LRRC4C: variants seen among roughly 807,000 people sequenced by gnomAD.
LRRC4C encodes the protein leucine-rich repeat-containing protein 4C.
Under a neutral mutation model 33.6 loss-of-function variants are expected in LRRC4C, and 5 were observed. The ratio of observed to expected loss-of-function variants is 0.15; its 90% CI spans 0.08 to 0.31. LRRC4C has a LOEUF of 0.31. Ranked by LOEUF, LRRC4C falls within the 10% of genes least tolerant of loss-of-function variation. The pLI, the probability that LRRC4C is intolerant of heterozygous loss-of-function variation, is 1.00. For missense variants in LRRC4C, 560 were observed against 796.7 expected, an observed-to-expected ratio of 0.70 and a Z score of 3.58; for synonymous variants, 329 against 302.0, an observed-to-expected ratio of 1.09 and a Z score of -0.93.
intron 2 of LRRC4C, among the ~76,000 whole-genome samples, chr11:40,901,434 G>A (rs1400273101): frequency 6.6e-6 from 1 of 152,038 alleles, no homozygotes; most frequent in Non-Finnish European, 1.5e-5. Context: ...AAATTCAAAT[G>A]TGATATTTCT....
intron 2 of LRRC4C, among the ~76,000 whole-genome samples, chr11:40,796,830 A>G (rs1437814091): frequency 2.0e-5 from 3 of 151,842 alleles, no homozygotes; most frequent in Admixed American, 6.6e-5. Context: ...TATTTTTAGT[A>G]GAGATGGAGT....
intron 3 of LRRC4C, among the ~76,000 whole-genome samples, chr11:40,439,514 T>A (rs552013428): frequency 1.5e-4 from 22 of 149,830 alleles, no homozygotes; most frequent in Non-Finnish European, 3.0e-4. Flanking sequence ...AGTGCAGTGG[T>A]GCAATCTCGG....
intron 5 of LRRC4C, among the ~76,000 whole-genome samples, chr11:40,236,877 A>G (rs1041730295): frequency 2.0e-5 from 3 of 152,196 alleles, no homozygotes; most frequent in African/African-American, 7.2e-5. Flanking sequence ...CTGTCCTGAC[A>G]AATGTGTCTC....
intron 1 of LRRC4C, among the ~76,000 whole-genome samples, chr11:41,265,076 C>A (rs1949104461): frequency 6.6e-6 from 1 of 152,070 alleles, no homozygotes; most frequent in Admixed American, 6.6e-5. Context: ...TGTCCTATTG[C>A]AGAAGCTCCA....
intron 4 of LRRC4C, among the ~76,000 whole-genome samples, chr11:40,258,147 T>C (rs1181202256): frequency 1.3e-5 from 2 of 152,192 alleles, no homozygotes; most frequent in Non-Finnish European, 2.9e-5. Context: ...ATGAATATTT[T>C]ACCTACAGGT....
At chr11:40,704,585 C>T (rs555022696) in intron 2 of LRRC4C, among the ~76,000 whole-genome samples, 1 of 152,122 alleles carries the variant, frequency 6.6e-6, no homozygotes, top group African/African-American at 2.4e-5. Context: ...ACCCGGGAAA[C>T]TAACCCTGTT....
intron 1 of LRRC4C, among the ~76,000 whole-genome samples, chr11:40,965,263 T>C (rs143177267): frequency 0.034 from 5,146 of 152,266 alleles, 160 homozygotes; most frequent in South Asian, 0.14. Context: ...AGATTCTGGA[T>C]ATTAGCCCTT....
intron 3 of LRRC4C, among the ~76,000 whole-genome samples, chr11:40,376,460 G>A (rs1009987930): frequency 5.9e-5 from 9 of 152,118 alleles, no homozygotes; most frequent in Admixed American, 4.6e-4. Flanking sequence ...AGAGAGAAAT[G>A]TACTCCAGCT....
intron 2 of LRRC4C, among the ~76,000 whole-genome samples, chr11:40,904,321 TA>T (rs1565187112): frequency 6.7e-6 from 1 of 148,318 alleles, no homozygotes; most frequent in Non-Finnish European, 1.5e-5. Context: ...AATTAATGAC[TA>T]AACCCAATCT....
chr11:40,993,113 A>AT (rs1048514353), intron 1 of LRRC4C, among the ~76,000 whole-genome samples: 2 of 152,126 alleles, frequency 1.3e-5, no homozygotes, highest in African/African-American at 4.8e-5. Flanking sequence ...AATCCAAGTT[A>AT]TTTTTTGTAT....
chr11:40,911,119 G>T (rs994597664), intron 2 of LRRC4C, among the ~76,000 whole-genome samples: 1 of 152,166 alleles, frequency 6.6e-6, no homozygotes, highest in Non-Finnish European at 1.5e-5. Context: ...CACCTCTGGG[G>T]GCAGGGCATA....
intron 1 of LRRC4C, among the ~76,000 whole-genome samples, chr11:41,315,198 T>C (rs192432243): frequency 1.5e-4 from 23 of 152,354 alleles, no homozygotes; most frequent in Admixed American, 3.9e-4. Flanking sequence ...AGTTTTGTTG[T>C]CATCTGTGTT....
At chr11:41,211,176 A>C (rs923470511) in intron 1 of LRRC4C, among the ~76,000 whole-genome samples, 1 of 152,108 alleles carries the variant, frequency 6.6e-6, no homozygotes, top group Non-Finnish European at 1.5e-5. Flanking sequence ...AAAAGACTGG[A>C]GATGGTATTC....
At chr11:40,731,113 A>T (rs1008152007) in intron 2 of LRRC4C, among the ~76,000 whole-genome samples, 10 of 152,140 alleles carry the variant, frequency 6.6e-5, no homozygotes, top group Admixed American at 2.0e-4. Context: ...AGGTCAGGAG[A>T]TCAAGACCAT....
intron 1 of LRRC4C, among the ~76,000 whole-genome samples, chr11:41,209,128 C>A (rs1057479952): frequency 2.0e-5 from 3 of 151,176 alleles, no homozygotes; most frequent in Non-Finnish European, 4.4e-5. Flanking sequence ...TGATGATAAT[C>A]TGTACACTAA....
chr11:40,318,659 C>T (rs1945694492), intron 4 of LRRC4C, among the ~76,000 whole-genome samples: 1 of 152,128 alleles, frequency 6.6e-6, no homozygotes, highest in Admixed American at 6.5e-5. Context: ...TTCAAATCCC[C>T]ATTGAGACAA....
In LRRC4C at chr11:40,646,548, T is replaced by C. The variant is rs143946194; in HGVS notation, c.-270+1594A>G. The stretch of plus-strand genomic sequence containing the variant: ...CTGTGTATAAATAGAAAGACCAAGT[T>C]TGACGGCAAGGAAAAAAAGACAATT... On this transcript the variant is annotated intron_variant, in intron 3 of 6. Coordinates refer to ENST00000528697, the MANE Select transcript of LRRC4C (RefSeq NM_001258419.2). Among the ~76,000 whole-genome samples, 7 of 152,302 alleles carry C rather than the reference T, an allele frequency of 4.6e-5. No homozygotes were observed. The East Asian group carries it at 1.4e-3, about 29-fold the overall frequency.
chr11:40,165,654 C>A (rs1348303190), intron 5 of LRRC4C, among the ~76,000 whole-genome samples: 2 of 152,118 alleles, frequency 1.3e-5, no homozygotes, highest in Non-Finnish European at 2.9e-5. Flanking sequence ...TGAATTAGAT[C>A]TTAAGAACAT....
At chr11:41,225,020 A>C (rs1438632730) in intron 1 of LRRC4C, among the ~76,000 whole-genome samples, 1 of 152,190 alleles carries the variant, frequency 6.6e-6, no homozygotes, top group Non-Finnish European at 1.5e-5. Context: ...GAAATAAGCC[A>C]AACACAGAAA....
Sources: allele counts gnomAD v4.1 joint callset (sites outside exome capture counted in the v4.1 genomes callset), GRCh38; gene constraint gnomAD v4.1.1; transcripts MANE v1.5; gene names NCBI Gene and HGNC (gene_info 2026-07-23, HGNC 2026-07-21).